Variants in HECTD4 observed in about 807,000 individuals in gnomAD.
HECTD4 encodes the protein probable E3 ubiquitin-protein ligase HECTD4.
A neutral mutation model predicts 471.5 loss-of-function variants in HECTD4; 114 were observed. That is an observed-to-expected ratio of 0.24 (90% CI 0.21 to 0.28). The LOEUF (loss-of-function observed/expected upper bound fraction) is 0.28, where lower values mean the gene tolerates loss of function less well. Among genes scored for constraint, HECTD4 ranks in the 10% least tolerant of loss-of-function variants. The pLI, the probability that HECTD4 is intolerant of heterozygous loss-of-function variation, is 1.00. For missense variants in HECTD4, 3,866 were observed against 5,651.5 expected (o/e 0.68, Z 10.13); for synonymous variants, 2,012 against 2,256.0 (o/e 0.89, Z 3.07).
intron 1 of HECTD4, among the ~76,000 whole-genome samples, chr12:112,336,547 A>G (rs1471766255): frequency 6.6e-6 from 1 of 152,046 alleles, no homozygotes; most frequent in Non-Finnish European, 1.5e-5. Flanking sequence ...TCGCACAATT[A>G]TAAAAATTGG....
At chr12:112,353,927 T>C (rs2036288639) in intron 1 of HECTD4, among the ~76,000 whole-genome samples, 1 of 152,144 alleles carries the variant, frequency 6.6e-6, no homozygotes, top group Non-Finnish European at 1.5e-5. Flanking sequence ...TAGTGGTTTT[T>C]AGCCAGCACA....
At chr12:112,379,481 G>A (rs1487909204) in intron 1 of HECTD4, among the ~76,000 whole-genome samples, 1 of 152,106 alleles carries the variant, frequency 6.6e-6, no homozygotes, top group Non-Finnish European at 1.5e-5. Flanking sequence ...ATCACCTGAG[G>A]TCAGGAGTTC....
Position 112,217,132 on chromosome 12 carries a change from A to G in HECTD4, c.7138T>C (p.Ser2380Pro). The G allele has an allele frequency of 6.3e-7, 1 of 1,590,330 alleles. No individual in the cohort carries two copies. The highest frequency in any genetic ancestry group is 8.6e-7 in the Non-Finnish European group (1 of 1,168,374). The change falls in exon 46 of 76, where the codon TCT becomes CCT. Residue 2380 changes from serine (S) to proline (P), a missense_variant. Physicochemically the swap from Ser to Pro is moderately conservative, Grantham distance 74 (BLOSUM62 -1). This residue lies in a region of HECTD4 where 617 missense variants were observed against 915.1 expected (regional missense o/e 0.67). Transcript: ENST00000682272. ...FPPVRACMFS[S>P]HLTSVTFLAD... ...AGGAAGGTGACTGAGGTAAGGTGAG[A>G]TGAGAACATGCAGGCTCGAACAGGC... is the stretch of plus-strand genomic sequence containing the variant.
chr12:112,180,707 C>T (rs1383726311), intron 62 of HECTD4, among the ~76,000 whole-genome samples: 2 of 151,934 alleles, frequency 1.3e-5, no homozygotes, highest in African/African-American at 4.8e-5. Context: ...TATGAGAAGA[C>T]TGGGAAAGAT....
intron 18 of HECTD4, 149 bp from the exon 19 acceptor site, chr12:112,259,414 T>A: frequency 1.4e-6 from 1 of 728,658 alleles, no homozygotes. Flanking sequence ...AGTCCACAAA[T>A]TTTCCACCTT....
chr12:112,379,134 T>C (rs1049965175), intron 1 of HECTD4, among the ~76,000 whole-genome samples: 12 of 152,212 alleles, frequency 7.9e-5, no homozygotes, highest in African/African-American at 2.4e-4. Context: ...CTTCCTTCTG[T>C]AGCCAGTTAT....
intron 70 of HECTD4, among the ~76,000 whole-genome samples, chr12:112,168,495 C>T (rs2031074104): frequency 6.6e-6 from 1 of 152,274 alleles, no homozygotes; most frequent in South Asian, 2.1e-4. Flanking sequence ...CTCCTCTGGC[C>T]TTCCCTGTGT....
At chr12:112,341,925 T>A (rs1187908371) in intron 1 of HECTD4, among the ~76,000 whole-genome samples, 1 of 152,224 alleles carries the variant, frequency 6.6e-6, no homozygotes, top group Admixed American at 6.5e-5. Context: ...GAAGCTAATA[T>A]ATGACAAACA....
Position 112,200,656 on chromosome 12 carries a change from G to C in HECTD4, c.8549C>G (p.Thr2850Ser). Residue 2850 changes from threonine to serine, a missense_variant, in exon 55 of 76, where the codon ACC becomes AGC. Thr to Ser is a moderately conservative substitution (Grantham distance 58). This residue lies in a region of HECTD4 where 266 missense variants were observed against 441.6 expected (regional missense o/e 0.60). Coordinates refer to ENST00000682272, the MANE Select transcript of HECTD4 (RefSeq NM_001388303.1). ...ATNGLVTLDN[T>S]NLQIHRELLR... is the part of the protein sequence containing the mutation. ...ATTGTACCTGTGAATTTGAAGGTTG[G>C]TATTGTCCAGTGTGACCAGCCCATT... The C allele has an allele frequency of 6.2e-7, 1 of 1,613,428 alleles. No individual in the cohort carries two copies. The highest frequency in any genetic ancestry group is 2.2e-5 in the East Asian group (1 of 44,884).
rs1223534654 is a variant in HECTD4 at position 112,194,152 on chromosome 12, C to T, written c.8750-478G>A. Among the ~76,000 whole-genome samples, 1 of 152,192 alleles carries T rather than the reference C, an allele frequency of 6.6e-6. No individual in the cohort carries two copies. The highest frequency in any genetic ancestry group is 1.5e-5 in the Non-Finnish European group (1 of 68,036). On this transcript the variant is annotated intron_variant, in intron 56 of 75. Transcript: ENST00000682272. The surrounding 1 kb of genome is among the most constrained non-coding windows in gnomAD (Gnocchi z 4.6). ...AAGTTCTTGGGATGGGCTGTGGACC[C>T]CAGGCGCTCATATGGACCAGTAGCG...
chr12:112,170,516 A>C (rs2031172995), intron 68 of HECTD4, 64 bp from the exon 69 acceptor site: 1 of 1,544,582 alleles, frequency 6.5e-7, no homozygotes, highest in East Asian at 2.4e-5. Flanking sequence ...AGTCCCCCCA[A>C]GACTCTCTTC....
chr12:112,212,201 T>G (rs979455000), intron 49 of HECTD4, among the ~76,000 whole-genome samples: 2 of 152,158 alleles, frequency 1.3e-5, no homozygotes, highest in Admixed American at 6.5e-5. Flanking sequence ...TTACTGACAT[T>G]TGAAAGAACT....
chr12:112,240,134 C>T (rs2033605022), intron 32 of HECTD4, 107 bp from the exon 33 acceptor site: 1 of 1,120,090 alleles, frequency 8.9e-7, no homozygotes. Flanking sequence ...GAATCCAGAA[C>T]TGAAGGGATC....
At chr12:112,253,605 G>A (rs1285401294) in intron 22 of HECTD4, among the ~76,000 whole-genome samples, 1 of 152,180 alleles carries the variant, frequency 6.6e-6, no homozygotes, top group African/African-American at 2.4e-5. Flanking sequence ...AAATTACAAA[G>A]CATGGCACTA....
chr12:112,341,094 C>T (rs2036045935), intron 1 of HECTD4, among the ~76,000 whole-genome samples: 2 of 152,160 alleles, frequency 1.3e-5, no homozygotes, highest in Admixed American at 1.3e-4. Flanking sequence ...GTTTTGCTCA[C>T]CAATGTATCA....
chr12:112,195,931 G>A (rs2032228143), intron 55 of HECTD4, among the ~76,000 whole-genome samples: 1 of 152,222 alleles, frequency 6.6e-6, no homozygotes, highest in Admixed American at 6.5e-5. Flanking sequence ...GGAGGCCAAA[G>A]CAGGAGGATT....
chr12:112,228,210 C>T lies in HECTD4; in HGVS notation c.6733G>A (p.Val2245Ile). 1 of 1,613,624 alleles carries T rather than the reference C, an allele frequency of 6.2e-7. No homozygotes were observed. Among genetic ancestry groups the T allele is most frequent in the South Asian group, 1.1e-5 (1 of 91,026 alleles). The part of the protein sequence containing the change: ...LSITEKVVQA[V>I]QSMLLPQEGS... ...TCCTGAGGAAGCAACATGGACTGGA[C>T]TGCCTGTACTACCTTCTCAGTAATG... The change falls in exon 43 of 76, where the codon GTC (valine) becomes ATC (isoleucine). Residue 2245 changes from valine to isoleucine, a missense_variant. Val to Ile is a conservative substitution (Grantham distance 29). Transcript: ENST00000682272. The surrounding 1 kb of genome is among the most constrained non-coding windows in gnomAD (Gnocchi z 4.9).
Position 112,183,169 on chromosome 12 carries a change from A to G in HECTD4, c.10877T>C (p.Met3626Thr), listed in dbSNP as rs2031739457. 6.2e-7 allele frequency: 1 copy of G among 1,613,562 alleles called. No individual in the cohort carries two copies. The highest frequency in any genetic ancestry group is 1.1e-5 in the South Asian group (1 of 91,076). Residue 3626 changes from methionine (M) to threonine (T), a missense_variant, in exon 62 of 76, where the codon ATG (methionine) becomes ACG (threonine). Physicochemically the swap from Met to Thr is moderately conservative, Grantham distance 81. Around this residue, in one of 16 missense-constraint regions of HECTD4, gnomAD observed 715 missense variants for 1,087.6 expected, o/e 0.66. Transcript: ENST00000682272. ...LSSLDGEDEL[M>T]EMSTEEILTV... ...TAGAATCTCTTCTGTTGACATTTCC[A>G]TCAATTCATCTTCACCATCCAAACT...
At chr12:112,278,335 C>T (rs7955050) in intron 9 of HECTD4, among the ~76,000 whole-genome samples, 2,420 of 152,144 alleles carry the variant, frequency 0.016, 70 homozygotes, top group African/African-American at 0.054. Flanking sequence ...GTGAAATTTA[C>T]GGTGTGTGAG....
Sources: allele counts gnomAD v4.1 joint callset (sites outside exome capture counted in the v4.1 genomes callset), GRCh38; gene constraint gnomAD v4.1.1; regional missense constraint gnomAD v4.1.1; non-coding constraint Gnocchi (gnomAD v3.1); transcripts MANE v1.5; gene names NCBI Gene and HGNC (gene_info 2026-07-23, HGNC 2026-07-21).